Variants in ZSCAN5A observed in about 807,000 individuals in gnomAD.
ZSCAN5A encodes zinc finger and SCAN domain containing 5A.
In ZSCAN5A, 12 loss-of-function variants were observed where a neutral mutation model predicts 23.7. The observed-to-expected ratio is 0.51, with a 90% CI of 0.32 to 0.82. ZSCAN5A has a LOEUF of 0.82. ZSCAN5A is among the 40% of genes least tolerant of loss of function. The pLI, the probability that ZSCAN5A is intolerant of heterozygous loss-of-function variation, is 0.03. For missense variants in ZSCAN5A, 597 were observed against 617.9 expected, an observed-to-expected ratio of 0.97 and a Z score of 0.36; for synonymous variants, 257 against 239.9, an observed-to-expected ratio of 1.07 and a Z score of -0.66.
At chr19:56,321,810 A>T in intron 2 of ZSCAN5A, 1 of 1,121,996 alleles carries the variant, frequency 8.9e-7, no homozygotes, top group Non-Finnish European at 1.4e-6. Context: ...GGTAACTGCC[A>T]CCACTTGTAA....
rs77994173 is a variant in ZSCAN5A, at chr19:56,291,915, G to A, written c.-128+21368C>T. On this transcript the variant is annotated intron_variant, in intron 2 of 5. Transcript: ENST00000683990. Reference sequence around the variant, plus strand: ...ACAAAGAGCTTTCTAGGTGCCAGGCGCGAGGCACCAGAGCAGCACTTTTCA... The same window carrying A: ...ACAAAGAGCTTTCTAGGTGCCAGGCACGAGGCACCAGAGCAGCACTTTTCA... 2.8e-3 allele frequency among the ~76,000 whole-genome samples: 421 copies of A among 152,284 alleles called. 12 individuals carry two copies. Among genetic ancestry groups the A allele is most frequent in the Admixed American group, 0.019 (298 of 15,296 alleles).
intron 2 of ZSCAN5A, among the ~76,000 whole-genome samples, chr19:56,345,096 A>G (rs1465928794): frequency 1.3e-5 from 2 of 150,760 alleles, no homozygotes; most frequent in African/African-American, 2.5e-5. Flanking sequence ...ACAGAGCGAG[A>G]CTACATCTCA....
At chr19:56,247,190 G>A (rs184664503) in intron 2 of ZSCAN5A, 61 of 504,436 alleles carry the variant, frequency 1.2e-4, no homozygotes, top group East Asian at 1.1e-3. Flanking sequence ...TCAGACCTCC[G>A]CGTCCACCAG....
At chr19:56,269,248 T>C (rs1176478873) in intron 2 of ZSCAN5A, among the ~76,000 whole-genome samples, 1 of 152,228 alleles carries the variant, frequency 6.6e-6, no homozygotes, top group Non-Finnish European at 1.5e-5. Context: ...CCACCAGCAA[T>C]GTATAAGAGC....
In ZSCAN5A at chr19:56,361,410, G is replaced by T. The variant is rs1253096445; in HGVS notation, c.-358+1825C>A. Among the ~76,000 whole-genome samples the T allele has an allele frequency of 2.0e-5, 3 of 152,164 alleles. No homozygotes were observed. In the East Asian group the frequency reaches 5.8e-4, roughly 29 times the overall value. On this transcript the variant is annotated intron_variant, in intron 2 of 6. Coordinates refer to the ZSCAN5A transcript ENST00000587340. ...ATTTTAAAAATACATGCATGTGTAT[G>T]TTCATTGTAACACTATTCACAATTG...
chr19:56,289,561 G>C (rs2039373549), intron 2 of ZSCAN5A, among the ~76,000 whole-genome samples: 2 of 152,150 alleles, frequency 1.3e-5, no homozygotes, highest in South Asian at 4.1e-4. Context: ...AAAACTGTAT[G>C]GCACATAGTT....
intron 2 of ZSCAN5A, among the ~76,000 whole-genome samples, chr19:56,258,854 C>G (rs2036919041): frequency 6.6e-6 from 1 of 152,138 alleles, no homozygotes; most frequent in South Asian, 2.1e-4. Context: ...GACGACACAA[C>G]CTCCCCCTTA....
intron 2 of ZSCAN5A, chr19:56,284,215 C>G (rs762154577): frequency 1.0e-4 from 98 of 982,870 alleles, no homozygotes; most frequent in Admixed American, 3.1e-4. Flanking sequence ...AGGTAAGTAC[C>G]TTGCCACTTC....
chr19:56,305,215 T>C (rs2040605327), intron 2 of ZSCAN5A, among the ~76,000 whole-genome samples: 1 of 152,152 alleles, frequency 6.6e-6, no homozygotes, highest in Non-Finnish European at 1.5e-5. Context: ...CTTCTCATCA[T>C]CCTAAAAGGG....
intron 2 of ZSCAN5A, among the ~76,000 whole-genome samples, chr19:56,337,372 C>T (rs1018953081): frequency 4.6e-5 from 7 of 152,238 alleles, no homozygotes; most frequent in African/African-American, 1.4e-4. Context: ...GGGTGTAGGA[C>T]CCTCCAAGCC....
chr19:56,307,801 A>G (rs1281081916), intron 2 of ZSCAN5A, among the ~76,000 whole-genome samples: 9 of 152,264 alleles, frequency 5.9e-5, no homozygotes, highest in African/African-American at 1.9e-4. Flanking sequence ...TTTTGGGTAC[A>G]CACCTATTTT....
At chr19:56,348,875 C>A (rs1174754430) in intron 2 of ZSCAN5A, among the ~76,000 whole-genome samples, 2 of 152,174 alleles carry the variant, frequency 1.3e-5, no homozygotes, top group Non-Finnish European at 2.9e-5. Flanking sequence ...GGTATTAACA[C>A]ACTTCAAGCC....
At chr19:56,347,816 C>G (rs983577573) in intron 2 of ZSCAN5A, 2 of 152,272 alleles carry the variant, frequency 1.3e-5, no homozygotes, top group African/African-American at 4.8e-5. Flanking sequence ...CCACTTCGGT[C>G]TTTAATAATA....
intron 4 of ZSCAN5A, among the ~76,000 whole-genome samples, chr19:56,223,344 C>T (rs35616638): frequency 0.017 from 2,660 of 152,256 alleles, 27 homozygotes; most frequent in Non-Finnish European, 0.026. Context: ...AAACTGGCTA[C>T]GGGGAAGGAA....
At chr19:56,296,565 A>G (rs2039890279) in intron 2 of ZSCAN5A, 2 of 152,064 alleles carry the variant, frequency 1.3e-5, no homozygotes, top group Non-Finnish European at 2.9e-5. Context: ...ACCAAATGTT[A>G]TTCTAGGTGT....
chr19:56,297,650 G>A (rs746390225), intron 2 of ZSCAN5A: 10 of 476,380 alleles, frequency 2.1e-5, no homozygotes, highest in Non-Finnish European at 2.7e-5. Context: ...AGGGGCTTTG[G>A]TACCTGAGAG....
intron 2 of ZSCAN5A, among the ~76,000 whole-genome samples, chr19:56,237,451 G>C (rs986302271): frequency 2.6e-5 from 4 of 152,204 alleles, no homozygotes; most frequent in African/African-American, 7.2e-5. Flanking sequence ...AACTGTAGGG[G>C]AAGGTACGTG....
At chr19:56,290,231 G>T (rs899467030) in intron 2 of ZSCAN5A, among the ~76,000 whole-genome samples, 10 of 152,234 alleles carry the variant, frequency 6.6e-5, no homozygotes, top group African/African-American at 2.4e-4. Context: ...GAGAACTACT[G>T]AGATAAAGTA....
intron 2 of ZSCAN5A, among the ~76,000 whole-genome samples, chr19:56,260,806 T>C (rs1323018243): frequency 6.6e-6 from 1 of 152,236 alleles, no homozygotes; most frequent in African/African-American, 2.4e-5. Context: ...AGCTAGAAGA[T>C]ATTTTTCTTT....
Sources: gnomAD v4.1 joint callset for allele counts (sites outside exome capture counted in the v4.1 genomes callset) on GRCh38, gnomAD v4.1.1 for gene constraint, MANE v1.5 for transcripts, NCBI Gene and HGNC (gene_info 2026-07-23, HGNC 2026-07-21) for gene names.